Variants in NRXN1 observed in about 807,000 individuals in gnomAD.
The protein encoded by NRXN1 is neurexin 1.
Under a neutral mutation model 150.9 loss-of-function variants are expected in NRXN1, and 39 were observed. The ratio of observed to expected loss-of-function variants is 0.26; its 90% confidence interval spans 0.20 to 0.34. NRXN1 has a LOEUF of 0.34. Ranked by LOEUF, NRXN1 falls within the 10% of genes least tolerant of loss-of-function variation. The pLI, the probability that NRXN1 is intolerant of heterozygous loss-of-function variation, is 1.00. For synonymous variants in NRXN1, 924 were observed against 757.0 expected, an observed-to-expected ratio of 1.22 and a Z score of -3.62; for missense variants, 1,815 against 1,949.9, an observed-to-expected ratio of 0.93 and a Z score of 1.30.
Position 50,506,681 on chromosome 2 carries a change from G to A in NRXN1, c.2375-64C>T, listed in dbSNP as rs1017578844. 1.9e-6 allele frequency: 3 copies of A among 1,559,646 alleles called. No individual in the cohort carries two copies. The Admixed American group carries it at 5.1e-5, about 27-fold the overall frequency. ...ATCAGTCAAGCAAATGAACCTCACA[G>A]AGAGTGAGAGAAAGAGACAAGGGGG... On this transcript the variant is annotated intron_variant, in intron 12 of 22. Coordinates refer to ENST00000401669, the MANE Select transcript of NRXN1 (RefSeq NM_001330078.2).
At chr2:50,535,077 G>A (rs1424962358) in intron 10 of NRXN1, among the ~76,000 whole-genome samples, 2 of 152,158 alleles carry the variant, frequency 1.3e-5, no homozygotes, top group African/African-American at 2.4e-5. Context: ...AAGCCTAAAC[G>A]ATTCCTCACA....
At chr2:50,984,250 G>C (rs548665017) in intron 2 of NRXN1, among the ~76,000 whole-genome samples, 3 of 149,236 alleles carry the variant, frequency 2.0e-5, no homozygotes, top group South Asian at 2.1e-4. Context: ...CTCCCAAAGT[G>C]TTGGGATTAC....
intron 8 of NRXN1, among the ~76,000 whole-genome samples, chr2:50,591,877 C>T (rs1674328128): frequency 6.6e-6 from 1 of 152,224 alleles, no homozygotes; most frequent in Non-Finnish European, 1.5e-5. Context: ...AAGCTACATT[C>T]CCACAAAATT....
At chr2:50,898,852 C>A (rs1252287038) in intron 5 of NRXN1, among the ~76,000 whole-genome samples, 1 of 151,274 alleles carries the variant, frequency 6.6e-6, no homozygotes, top group Non-Finnish European at 1.5e-5. Flanking sequence ...TCTATGGAAG[C>A]TTTCTGTTCA....
intron 9 of NRXN1, among the ~76,000 whole-genome samples, chr2:50,549,956 A>G (rs1023497599): frequency 1.3e-5 from 2 of 152,208 alleles, no homozygotes; most frequent in Non-Finnish European, 2.9e-5. Flanking sequence ...GCACACATAT[A>G]TAGACACACA....
chr2:50,160,949 T>G (rs1041557820), intron 18 of NRXN1, among the ~76,000 whole-genome samples: 1 of 152,122 alleles, frequency 6.6e-6, no homozygotes, highest in African/African-American at 2.4e-5. Context: ...GGCTTAATAT[T>G]TGATTATATA....
intron 5 of NRXN1, among the ~76,000 whole-genome samples, chr2:50,738,875 G>T (rs1699087557): frequency 6.6e-6 from 1 of 152,116 alleles, no homozygotes; most frequent in South Asian, 2.1e-4. Context: ...CCATAATTAG[G>T]CAACTGGATG....
rs773597105 is a variant in NRXN1 at position 50,623,506 on chromosome 2, G to T, written c.942C>A (p.Thr314=). Reference sequence around the variant, plus strand: ...GAAGCATCAGTCCATTCCTCTGAAGGGTTTTAAATGACAGAGTTATTTCAT... The same window carrying T: ...GAAGCATCAGTCCATTCCTCTGAAGTGTTTTAAATGACAGAGTTATTTCAT... ...SSDEITLSFK[T]LQRNGLMLHT... Residue 314 remains threonine (T), a synonymous_variant, in exon 6 of 23, where the codon ACC becomes ACA. Coordinates refer to ENST00000401669, the MANE Select transcript of NRXN1 (RefSeq NM_001330078.2). 6.2e-7 allele frequency: 1 copy of T among 1,613,300 alleles called. No homozygotes were observed. Among genetic ancestry groups the T allele is most frequent in the Non-Finnish European group, 8.5e-7 (1 of 1,179,418 alleles).
At chr2:50,310,095 A>G (rs2152962397) in intron 17 of NRXN1, among the ~76,000 whole-genome samples, 1 of 152,348 alleles carries the variant, frequency 6.6e-6, no homozygotes, top group South Asian at 2.1e-4. Flanking sequence ...TCTCAGAAGC[A>G]GAGAAGAAAT....
intron 2 of NRXN1, among the ~76,000 whole-genome samples, chr2:50,944,613 C>G (rs775546819): frequency 5.3e-5 from 8 of 152,086 alleles, no homozygotes; most frequent in Non-Finnish European, 1.2e-4. Context: ...TTTTCTTATC[C>G]TATACTTCTA....
At chr2:50,451,571 G>A (rs962584502) in intron 17 of NRXN1, among the ~76,000 whole-genome samples, 4 of 152,034 alleles carry the variant, frequency 2.6e-5, no homozygotes, top group African/African-American at 4.8e-5. Context: ...CCTCATTTTT[G>A]CAATTTCTTA....
chr2:50,077,527 C>G (rs542625799), intron 19 of NRXN1, among the ~76,000 whole-genome samples: 2 of 152,208 alleles, frequency 1.3e-5, no homozygotes, highest in South Asian at 4.1e-4. Context: ...AATGCACTCT[C>G]GTCCAAGTCC....
chr2:50,518,129 ATTATAATTTACTTTT>A (rs1181333923), intron 12 of NRXN1, among the ~76,000 whole-genome samples: 2 of 152,128 alleles, frequency 1.3e-5, no homozygotes, highest in Non-Finnish European at 2.9e-5. Flanking sequence ...CATTTTAAGA[ATTATAATTTACTTTT>A]TAAGAAGAGA....
chr2:50,694,377 T>C (rs1381011826), intron 5 of NRXN1, among the ~76,000 whole-genome samples: 5 of 152,182 alleles, frequency 3.3e-5, no homozygotes, highest in Non-Finnish European at 7.3e-5. Flanking sequence ...TGGGTGAATA[T>C]ATAATAGTTG....
At position 50,179,386 on chromosome 2, in the gene NRXN1, C is replaced by T. The variant is rs370112465; in HGVS notation, c.3546+57403G>A. On this transcript the variant is annotated intron_variant, in intron 18 of 22. Coordinates refer to ENST00000401669, the MANE Select transcript of NRXN1 (RefSeq NM_001330078.2). The stretch of plus-strand genomic sequence containing the variant: ...GCTTTTGTTTAATTACTTTTAATTA[C>T]CTGTTTTTCTTTTGTCCTTATGCCC... 4.1e-4 allele frequency among the ~76,000 whole-genome samples: 62 copies of T among 152,180 alleles called. 7 individuals carry two copies. The highest frequency in any genetic ancestry group is 2.7e-3 in the Admixed American group (41 of 15,274).
At chr2:50,841,889 G>T (rs1029417161) in intron 5 of NRXN1, among the ~76,000 whole-genome samples, 3 of 152,048 alleles carry the variant, frequency 2.0e-5, no homozygotes, top group Non-Finnish European at 4.4e-5. Context: ...TTATAGTCTG[G>T]TGAGTTGAAT....
intron 22 of NRXN1, among the ~76,000 whole-genome samples, chr2:49,926,712 C>A (rs933162994): frequency 6.6e-6 from 1 of 152,078 alleles, no homozygotes; most frequent in Non-Finnish European, 1.5e-5. Context: ...TTTTAAACAA[C>A]AACAGGAAAG....
rs1305000565 is a variant in NRXN1 at position 50,984,173 on chromosome 2, T to TG, written c.772+43328dup. 2.9e-3 allele frequency among the ~76,000 whole-genome samples: 345 copies of TG among 118,342 alleles called. 1 individual carries two copies. The highest frequency in any genetic ancestry group is 0.011 in the African/African-American group (311 of 29,250). 77.6% of individuals were successfully genotyped at this position (118,342 alleles called of 152,430 possible). A position where few individuals can be genotyped will look rare whatever the true frequency, so the allele number is the denominator to read the frequency against. ...TTTTTTTTTTTTTTTTTAGTAGAGATGGGGTTTCACCATGTTGGCTAGGCT... is the reference window on the plus strand; with the variant it reads ...TTTTTTTTTTTTTTTTTAGTAGAGATGGGGGTTTCACCATGTTGGCTAGGCT... On this transcript the variant is annotated intron_variant, in intron 2 of 22. Transcript: ENST00000401669.
intron 18 of NRXN1, among the ~76,000 whole-genome samples, chr2:50,165,617 G>C (rs1407949071): frequency 6.6e-6 from 1 of 152,160 alleles, no homozygotes; most frequent in Non-Finnish European, 1.5e-5. Context: ...CCGAAGTGCT[G>C]GGATTACAGG....
Sources: allele counts gnomAD v4.1 joint callset (sites outside exome capture counted in the v4.1 genomes callset), GRCh38; gene constraint gnomAD v4.1.1; transcripts MANE v1.5; gene names NCBI Gene and HGNC (gene_info 2026-07-23, HGNC 2026-07-21).